PARP11: variants seen among roughly 807,000 people sequenced by gnomAD.
PARP11 encodes poly(ADP-ribose) polymerase family member 11.
A neutral mutation model predicts 42.9 loss-of-function variants in PARP11; 31 were observed. The ratio of observed to expected loss-of-function variants is 0.72; its 90% CI spans 0.54 to 0.98. The LOEUF (loss-of-function observed/expected upper bound fraction) is 0.98. Among genes scored for constraint, PARP11 ranks in the 50% least tolerant of loss-of-function variants. The pLI is 0.00. For synonymous variants in PARP11, 137 were observed against 127.3 expected, an observed-to-expected ratio of 1.08 and a Z score of -0.51; for missense variants, 365 against 413.1, an observed-to-expected ratio of 0.88 and a Z score of 1.01.
At position 3,812,044 on chromosome 12, in the gene PARP11, A is replaced by T; in HGVS notation, c.*79T>A. 1 of 1,027,202 alleles carries T rather than the reference A, an allele frequency of 9.7e-7. No individual in the cohort carries two copies. The highest frequency in any genetic ancestry group is 1.4e-6 in the Non-Finnish European group (1 of 701,598). 63.6% of individuals were successfully genotyped at this position (1,027,202 alleles called of 1,614,324 possible). A position where few individuals can be genotyped will look rare whatever the true frequency, so the allele number is the denominator to read the frequency against. ...CAAAAGTATCAGATAATTAACATTTAGTGGCTAGATGACTGAAGAGCAAAC... is the reference window on the plus strand; with the variant it reads ...CAAAAGTATCAGATAATTAACATTTTGTGGCTAGATGACTGAAGAGCAAAC... On this transcript the variant is annotated 3_prime_UTR_variant, in exon 8 of 8. Transcript: ENST00000228820.
chr12:3,849,511 T>A (rs1054051607), intron 1 of PARP11, among the ~76,000 whole-genome samples: 2 of 152,150 alleles, frequency 1.3e-5, no homozygotes, highest in Admixed American at 6.5e-5. Context: ...GCAACATGGA[T>A]GAAATGAGAA....
chr12:3,840,223 G>A lies in PARP11; in HGVS notation c.19-10205C>T. 1.2e-6 allele frequency: 2 copies of A among 1,611,906 alleles called. No individual in the cohort carries two copies. The highest frequency in any genetic ancestry group is 2.2e-5 in the East Asian group (1 of 44,890). Reference sequence around the variant, plus strand: ...ATTTTTGAATGCAGACGTTCAAGGAGTTCATTCTGAGAATGGACCAGTTTT... The same window carrying A: ...ATTTTTGAATGCAGACGTTCAAGGAATTCATTCTGAGAATGGACCAGTTTT... On this transcript the variant is annotated intron_variant, in intron 1 of 7. Transcript: ENST00000228820. The surrounding 1 kb of genome is among the most constrained non-coding windows in gnomAD (Gnocchi z 4.4).
At chr12:3,837,565 G>C (rs554549213) in intron 1 of PARP11, among the ~76,000 whole-genome samples, 1 of 151,880 alleles carries the variant, frequency 6.6e-6, no homozygotes, top group Admixed American at 6.6e-5. Flanking sequence ...CAGAAAATAA[G>C]CAACAAAATG....
chr12:3,871,267 G>A (rs546324474), intron 1 of PARP11, among the ~76,000 whole-genome samples: 16 of 152,300 alleles, frequency 1.1e-4, no homozygotes, highest in Non-Finnish European at 2.2e-4. Flanking sequence ...TCTCAGCATA[G>A]GAGTAGTTTC....
At chr12:3,827,635 G>T (rs1442107478) in intron 3 of PARP11, among the ~76,000 whole-genome samples, 1 of 151,796 alleles carries the variant, frequency 6.6e-6, no homozygotes, top group Non-Finnish European at 1.5e-5. Context: ...TCACGAGCAA[G>T]GATCTAATGG....
chr12:3,837,008 G>C (rs1947779822), intron 1 of PARP11, among the ~76,000 whole-genome samples: 1 of 152,204 alleles, frequency 6.6e-6, no homozygotes, highest in Admixed American at 6.5e-5. Flanking sequence ...GGGAGTACCT[G>C]AAGGGAGAAC....
chr12:3,866,194 T>G (rs1448837891), intron 1 of PARP11, among the ~76,000 whole-genome samples: 1 of 152,154 alleles, frequency 6.6e-6, no homozygotes, highest in African/African-American at 2.4e-5. Context: ...GTCCTCATCT[T>G]ACTTATCTCA....
rs148563477 is a variant in PARP11 at position 3,829,996 on chromosome 12, T to A, written c.41A>T (p.Glu14Val). 263 of 1,613,690 alleles carry A rather than the reference T, an allele frequency of 1.6e-4. No individual in the cohort carries two copies. The highest frequency in any genetic ancestry group is 2.1e-4 in the Non-Finnish European group (252 of 1,179,732). The change falls in exon 2 of 8, where the codon GAA (glutamate) becomes GTA (valine). Residue 14 changes from glutamate to valine, a missense_variant. Transcript: ENST00000228820. ...ANPEMFHKAE[E>V]LFSKTTNNEV... ...ATTGTTTGTTGTTTTAGAAAATAAT[T>A]CTTCTGCTTTGTGAAACATCTCCTG...
At chr12:3,847,291 A>G (rs1197357497) in intron 1 of PARP11, among the ~76,000 whole-genome samples, 1 of 152,212 alleles carries the variant, frequency 6.6e-6, no homozygotes, top group African/African-American at 2.4e-5. Context: ...AAAAATTGAA[A>G]AGGAGGAAAT....
intron 2 of PARP11, among the ~76,000 whole-genome samples, chr12:3,829,539 A>G (rs1036077907): frequency 1.3e-5 from 2 of 152,322 alleles, no homozygotes; most frequent in African/African-American, 2.4e-5. Context: ...GAGAAAATCA[A>G]TGTACAACAC....
At chr12:3,868,857 A>C (rs1591544499) in intron 1 of PARP11, among the ~76,000 whole-genome samples, 1 of 152,184 alleles carries the variant, frequency 6.6e-6, no homozygotes, top group African/African-American at 2.4e-5. Context: ...ACAAATTACC[A>C]CAAACGCAGT....
rs1302102665 is a variant in PARP11 at position 3,840,989 on chromosome 12, C to T, written c.19-10971G>A. 1.1e-5 allele frequency: 18 copies of T among 1,605,400 alleles called. No homozygotes were observed. In the South Asian group the frequency reaches 1.8e-4, roughly 16 times the overall value. ...CCAAGTGAACCTACAACTTTTGGAC[C>T]AACAGGTGTCCCTGCTCCAATTCCT... is the stretch of plus-strand genomic sequence containing the variant. On this transcript the variant is annotated intron_variant, in intron 1 of 7. Transcript: ENST00000228820. This position sits in a 1 kb window ranked among gnomAD's most constrained non-coding sequence, Gnocchi z 4.4.
chr12:3,825,515 G>A (rs1293790742), intron 4 of PARP11, among the ~76,000 whole-genome samples: 1 of 152,074 alleles, frequency 6.6e-6, no homozygotes, highest in African/African-American at 2.4e-5. Context: ...GAGAGAGTAC[G>A]TCCAAGTTAA....
Position 3,840,477 on chromosome 12 carries a change from T to C in PARP11, c.19-10459A>G. On this transcript the variant is annotated intron_variant, in intron 1 of 7. Coordinates refer to ENST00000228820, the MANE Select transcript of PARP11 (RefSeq NM_020367.6). The surrounding 1 kb of genome is among the most constrained non-coding windows in gnomAD (Gnocchi z 4.4). ...CAGGAGTAAGACAACGTGAGTTCTC[T>C]AGTCATTCTTCAGGGTCACAGTCTC... 1 of 1,612,970 alleles carries C rather than the reference T, an allele frequency of 6.2e-7. No homozygotes were observed. Among genetic ancestry groups the C allele is most frequent in the Admixed American group, 1.7e-5 (1 of 60,028 alleles).
intron 1 of PARP11, among the ~76,000 whole-genome samples, chr12:3,833,771 C>T (rs1947697094): frequency 6.6e-6 from 1 of 152,172 alleles, no homozygotes; most frequent in Non-Finnish European, 1.5e-5. Context: ...GAGTTACAAA[C>T]TGCACCATTC....
intron 1 of PARP11, chr12:3,863,910 T>C (rs1948343609): frequency 1.3e-5 from 2 of 152,160 alleles, no homozygotes. Context: ...ATAAACAATC[T>C]GGACAAACTG....
At position 3,822,070 on chromosome 12, in the gene PARP11, C is replaced by G. The variant is rs1326024024; in HGVS notation, c.417+15G>C. 6.2e-7 allele frequency: 1 copy of G among 1,612,038 alleles called. No homozygotes were observed. Among genetic ancestry groups the G allele is most frequent in the African/African-American group, 1.3e-5 (1 of 74,828 alleles). On this transcript the variant is annotated intron_variant, in intron 5 of 7. Coordinates refer to ENST00000228820, the MANE Select transcript of PARP11 (RefSeq NM_020367.6). The stretch of plus-strand genomic sequence containing the variant: ...GGTTTCTTTCATGGGTATATTCAGT[C>G]AATTCTGCTCTTACCTGATATGGTA...
rs180818022 is a variant in PARP11, at chr12:3,821,376, T to C, written c.548+497A>G. On this transcript the variant is annotated intron_variant, in intron 6 of 7. Coordinates refer to ENST00000228820, the MANE Select transcript of PARP11 (RefSeq NM_020367.6). ...ACTTTGGTTAAGTCACCCAACTTAA[T>C]GGGTCATTTCCCACTTAAATCCAGT... 7.6e-3 allele frequency among the ~76,000 whole-genome samples: 1,154 copies of C among 152,320 alleles called. 26 individuals carry two copies. The highest frequency in any genetic ancestry group is 0.026 in the African/African-American group (1,066 of 41,568).
intron 3 of PARP11, 117 bp from the exon 4 acceptor site, chr12:3,826,350 C>T: frequency 1.5e-6 from 1 of 672,836 alleles, no homozygotes; most frequent in South Asian, 2.4e-5. Flanking sequence ...TCGGGAGTAG[C>T]TGGCAAGCAT....
Sources: allele counts gnomAD v4.1 joint callset (sites outside exome capture counted in the v4.1 genomes callset), GRCh38; gene constraint gnomAD v4.1.1; non-coding constraint Gnocchi (gnomAD v3.1); transcripts MANE v1.5; gene names NCBI Gene and HGNC (gene_info 2026-07-23, HGNC 2026-07-21).